The following RGS6 variants were observed in gnomAD, a reference collection of about 807,000 sequenced individuals.
RGS6 encodes the protein regulator of G-protein signaling 6.
Under a neutral mutation model 78.5 loss-of-function variants are expected in RGS6, and 30 were observed. That is an observed-to-expected ratio of 0.38 (90% CI 0.29 to 0.52). RGS6 has a LOEUF of 0.52. Ranked by LOEUF, RGS6 falls within the 20% of genes least tolerant of loss-of-function variation. RGS6 has a pLI of 0.85. For missense variants in RGS6, 495 were observed against 609.7 expected (o/e 0.81, Z 1.98); for synonymous variants, 206 against 206.0 (o/e 1.00, Z 0.00).
intron 2 of RGS6, among the ~76,000 whole-genome samples, chr14:72,201,018 C>A (rs1033335029): frequency 3.3e-5 from 5 of 149,604 alleles, no homozygotes; most frequent in Admixed American, 2.0e-4. Context: ...TTGTGTTGGG[C>A]GTAACCACAG....
the RGS6 span, among the ~76,000 whole-genome samples, chr14:71,909,576 T>TAGAGAGAGAGAGAG: frequency 2.5e-4 from 36 of 146,120 alleles, no homozygotes; most frequent in South Asian, 6.7e-4. Flanking sequence ...AATAAGGACA[T>TAGAGAGAGAGAGAG]AGAGAGAGGG....
At chr14:71,951,789 AT>A (rs2092345084) in intron 1 of RGS6, among the ~76,000 whole-genome samples, 1 of 152,140 alleles carries the variant, frequency 6.6e-6, no homozygotes, top group Admixed American at 6.6e-5. Context: ...GCATTTTTGT[AT>A]CCCTCTATAT....
At chr14:72,498,034 A>G (rs532458624) in intron 13 of RGS6, among the ~76,000 whole-genome samples, 4 of 152,128 alleles carry the variant, frequency 2.6e-5, no homozygotes, top group Admixed American at 6.5e-5. Flanking sequence ...CACTGCTTTG[A>G]TTTTCACTGG....
chr14:71,929,191 T>C (rs1278778711), upstream of RGS6, among the ~76,000 whole-genome samples: 1 of 152,200 alleles, frequency 6.6e-6, no homozygotes, highest in Admixed American at 6.5e-5. Flanking sequence ...TTTAATCCAT[T>C]GAATCCACAG....
intron 17 of RGS6, chr14:72,547,030 TG>T (rs2097416666): frequency 1.4e-6 from 1 of 729,326 alleles, no homozygotes; most frequent in Non-Finnish European, 2.3e-6. Flanking sequence ...TGCAGCCACA[TG>T]GGAACTGTGT....
At chr14:72,128,271 A>G (rs931696383) in intron 2 of RGS6, among the ~76,000 whole-genome samples, 5 of 152,228 alleles carry the variant, frequency 3.3e-5, no homozygotes, top group Non-Finnish European at 7.3e-5. Context: ...TCATAAATAT[A>G]TTCTCTTTAT....
intron 2 of RGS6, among the ~76,000 whole-genome samples, chr14:72,196,085 G>C (rs570146612): frequency 2.0e-5 from 3 of 152,144 alleles, no homozygotes; most frequent in Non-Finnish European, 4.4e-5. Flanking sequence ...TGAAATGGGG[G>C]AGGGGGAGAC....
chr14:72,036,200 A>ATATTATTATTATTAT (rs3053081), intron 2 of RGS6, among the ~76,000 whole-genome samples: 5,130 of 146,748 alleles, frequency 0.035, 120 homozygotes, highest in Non-Finnish European at 0.052. Flanking sequence ...GCATGTAAAC[A>ATATTATTATTATTAT]TATTATTATT....
chr14:71,941,551 G>T (rs2090564066), intron 1 of RGS6, among the ~76,000 whole-genome samples: 1 of 152,222 alleles, frequency 6.6e-6, no homozygotes, highest in South Asian at 2.1e-4. Context: ...TAGGCTATCT[G>T]TAAGCTGAGG....
At chr14:72,292,203 G>A (rs893271029) in intron 2 of RGS6, among the ~76,000 whole-genome samples, 2 of 152,188 alleles carry the variant, frequency 1.3e-5, no homozygotes, top group African/African-American at 2.4e-5. Flanking sequence ...TAAGCTACAT[G>A]TTTGAGTCAC....
chr14:72,581,258 T>A, the RGS6 span, among the ~76,000 whole-genome samples: 1 of 152,190 alleles, frequency 6.6e-6, no homozygotes, highest in Non-Finnish European at 1.5e-5. Context: ...TGCTTGGGGT[T>A]CCTTGTCTTA....
intron 2 of RGS6, among the ~76,000 whole-genome samples, chr14:71,968,091 C>G (rs188025665): frequency 6.6e-6 from 1 of 152,202 alleles, no homozygotes; most frequent in East Asian, 1.9e-4. Flanking sequence ...AAAAGAAAAC[C>G]TTAATTATTC....
At chr14:72,286,278 T>C (rs528003155) in intron 2 of RGS6, among the ~76,000 whole-genome samples, 56 of 152,306 alleles carry the variant, frequency 3.7e-4, no homozygotes, top group African/African-American at 1.3e-3. Context: ...CCTTTCTCCA[T>C]TGTATATTCT....
intron 16 of RGS6, among the ~76,000 whole-genome samples, chr14:72,537,251 G>A (rs181971680): frequency 6.6e-6 from 1 of 152,268 alleles, no homozygotes; most frequent in East Asian, 1.9e-4. Flanking sequence ...CCCTAAGCAC[G>A]TGGTTGCCCA....
rs553439616 is a variant in RGS6, at chr14:72,067,695, A to T, written c.84+102820A>T. The stretch of plus-strand genomic sequence containing the variant: ...CTTTAAAAACTTAAAAAAATAAAAT[A>T]AAATAAAGTTTATTTTCAAAACTTT... On this transcript the variant is annotated intron_variant, in intron 2 of 17. Coordinates refer to ENST00000553525, the MANE Select transcript of RGS6 (RefSeq NM_001204424.2). Among the ~76,000 whole-genome samples the T allele has an allele frequency of 3.8e-3, 573 of 152,338 alleles. 1 individual carries two copies. Among genetic ancestry groups the T allele is most frequent in the African/African-American group, 0.013 (560 of 41,564 alleles).
At chr14:72,024,540 C>A (rs2089442061) in intron 2 of RGS6, among the ~76,000 whole-genome samples, 1 of 152,218 alleles carries the variant, frequency 6.6e-6, no homozygotes, top group Admixed American at 6.5e-5. Context: ...CTAATGGATT[C>A]ATATCCAGCT....
At chr14:72,470,894 A>AG (rs60309168) in intron 8 of RGS6, among the ~76,000 whole-genome samples, 3,472 of 151,730 alleles carry the variant, frequency 0.023, 111 homozygotes, top group African/African-American at 0.072. Context: ...AAAAAAAAAA[A>AG]AAACAAGATT....
intron 2 of RGS6, among the ~76,000 whole-genome samples, chr14:72,035,088 T>G (rs1277021421): frequency 6.6e-6 from 1 of 152,084 alleles, no homozygotes; most frequent in African/African-American, 2.4e-5. Flanking sequence ...TATAGGAAAA[T>G]ACATGGCATA....
At chr14:72,166,093 G>GACACACACAC (rs3055029) in intron 2 of RGS6, among the ~76,000 whole-genome samples, 18 of 107,794 alleles carry the variant, frequency 1.7e-4, no homozygotes, top group African/African-American at 1.9e-4. Context: ...CCATTTTTGA[G>GACACACACAC]ACACACACAC....
Sources: allele counts gnomAD v4.1 joint callset (sites outside exome capture counted in the v4.1 genomes callset), GRCh38; gene constraint gnomAD v4.1.1; transcripts MANE v1.5; gene names NCBI Gene and HGNC (gene_info 2026-07-23, HGNC 2026-07-21).